ERC1: variants seen among roughly 807,000 people sequenced by gnomAD.
ERC1 encodes RAB6 interacting protein 2.
In ERC1, 56 loss-of-function variants were observed where a neutral mutation model predicts 132.0. The ratio of observed to expected loss-of-function variants is 0.42; its 90% CI spans 0.34 to 0.53. The LOEUF is 0.53. ERC1 is among the 20% of genes least tolerant of loss of function. The pLI, the probability that ERC1 is intolerant of heterozygous loss-of-function variation, is 0.03. For synonymous variants in ERC1, 478 were observed against 476.1 expected (o/e 1.00, Z -0.05); for missense variants, 1,202 against 1,349.9 (o/e 0.89, Z 1.72).
At chr12:1,141,834 T>G in intron 8 of ERC1, 47 bp downstream of exon 8, 1 of 1,378,114 alleles carries the variant, frequency 7.3e-7, no homozygotes, top group East Asian at 2.5e-5. Context: ...CTCATACATC[T>G]TCACTCCTAC....
chr12:1,185,503 T>TTTTC (rs1313125054), intron 11 of ERC1, among the ~76,000 whole-genome samples: 1 of 120,340 alleles, frequency 8.3e-6, no homozygotes, highest in Non-Finnish European at 1.7e-5. Flanking sequence ...TTTTCTGTAC[T>TTTTC]TTTCTTTCTT....
At chr12:1,465,062 G>A (rs1345569523) in intron 18 of ERC1, among the ~76,000 whole-genome samples, 2 of 152,110 alleles carry the variant, frequency 1.3e-5, no homozygotes, top group Non-Finnish European at 2.9e-5. Context: ...AGCTCCTGCA[G>A]GAAGAATTAT....
chr12:1,105,786 T>G (rs1163534284), intron 4 of ERC1, among the ~76,000 whole-genome samples: 1 of 152,242 alleles, frequency 6.6e-6, no homozygotes, highest in Non-Finnish European at 1.5e-5. Flanking sequence ...AATATTAATA[T>G]AATGACTACA....
chr12:1,483,328 A>G (rs528004815), intron 18 of ERC1, among the ~76,000 whole-genome samples: 1 of 152,126 alleles, frequency 6.6e-6, no homozygotes, highest in Non-Finnish European at 1.5e-5. Context: ...ATCATACAAG[A>G]CGTGGTCTGT....
At chr12:1,270,699 C>A (rs2154330804) in intron 14 of ERC1, among the ~76,000 whole-genome samples, 1 of 151,526 alleles carries the variant, frequency 6.6e-6, no homozygotes, top group East Asian at 1.9e-4. Flanking sequence ...TACTATATAA[C>A]TAGTGATTCT....
At chr12:1,206,467 T>C (rs1203335909) in intron 12 of ERC1, among the ~76,000 whole-genome samples, 1 of 152,084 alleles carries the variant, frequency 6.6e-6, no homozygotes, top group Non-Finnish European at 1.5e-5. Context: ...TTTTTATTCC[T>C]CTCTTCTCCC....
chr12:1,439,249 G>T (rs144073405), intron 17 of ERC1, among the ~76,000 whole-genome samples: 1 of 152,284 alleles, frequency 6.6e-6, no homozygotes, highest in East Asian at 1.9e-4. Flanking sequence ...AGTTGCAGAA[G>T]TGGAATGCTG....
At chr12:1,009,955 G>A (rs1451411985) in intron 1 of ERC1, among the ~76,000 whole-genome samples, 1 of 152,122 alleles carries the variant, frequency 6.6e-6, no homozygotes. Flanking sequence ...ATGCATGATG[G>A]TATAACTCCT....
Position 1,028,169 on chromosome 12 carries a change from T to C in ERC1, c.266T>C (p.Met89Thr), listed in dbSNP as rs1318871501. ...NVGSETPKST[M>T]TLGRSGGRLP... ...GGTTCAGAAACACCTAAAAGCACCA[T>C]GACACTTGGCCGTTCTGGGGGACGT... is the stretch of plus-strand genomic sequence containing the variant. Residue 89 changes from methionine (M) to threonine (T), a missense_variant, in exon 2 of 19, where the codon ATG becomes ACG. Met to Thr is a moderately conservative substitution (Grantham distance 81). Transcript: ENST00000360905. 2 of 1,614,198 alleles carry C rather than the reference T, an allele frequency of 1.2e-6. No individual in the cohort carries two copies. Among genetic ancestry groups the C allele is most frequent in the Non-Finnish European group, 1.7e-6 (2 of 1,180,042 alleles).
At chr12:1,326,069 C>T (rs116261473) in intron 15 of ERC1, among the ~76,000 whole-genome samples, 2 of 152,206 alleles carry the variant, frequency 1.3e-5, no homozygotes, top group South Asian at 2.1e-4. Context: ...CTAAGTTAGT[C>T]GTCATCCTGG....
chr12:1,226,576 G>A (rs962365003), intron 12 of ERC1, among the ~76,000 whole-genome samples: 2 of 152,074 alleles, frequency 1.3e-5, no homozygotes, highest in Non-Finnish European at 1.5e-5. Flanking sequence ...CATCTTCCAC[G>A]ATCTCCCCCT....
intron 18 of ERC1, among the ~76,000 whole-genome samples, chr12:1,482,603 C>T (rs976702618): frequency 1.3e-5 from 2 of 152,010 alleles, no homozygotes; most frequent in Non-Finnish European, 2.9e-5. Context: ...CCTGCCACCA[C>T]GCCCGGCTAA....
chr12:1,141,612 A>G lies in ERC1; in HGVS notation c.1570-8A>G, dbSNP rs377247714. 1 of 1,596,400 alleles carries G rather than the reference A, an allele frequency of 6.3e-7. No homozygotes were observed. The highest frequency in any genetic ancestry group is 8.5e-7 in the Non-Finnish European group (1 of 1,172,694). On this transcript the variant is annotated splice_region_variant and splice_polypyrimidine_tract_variant and intron_variant, in intron 7 of 18. Coordinates refer to ENST00000360905, the MANE Select transcript of ERC1 (RefSeq NM_178040.4). ...AATTCATCACTTGTAAAACTCCTAC[A>G]TTCTTAGGTGGATGCTCTCCGATTG...
At chr12:1,029,323 G>C (rs1415365596) in intron 2 of ERC1, among the ~76,000 whole-genome samples, 2 of 152,144 alleles carry the variant, frequency 1.3e-5, no homozygotes, top group Non-Finnish European at 2.9e-5. Context: ...CTGCACTCCA[G>C]TCTGGAGTGA....
intron 9 of ERC1, among the ~76,000 whole-genome samples, chr12:1,181,723 T>C (rs1006666331): frequency 1.5e-4 from 23 of 149,802 alleles, no homozygotes; most frequent in African/African-American, 5.2e-4. Flanking sequence ...GCAGAGGTTA[T>C]GGTGAGCCGA....
At chr12:1,384,478 T>C (rs1308511431) in intron 16 of ERC1, among the ~76,000 whole-genome samples, 3 of 152,238 alleles carry the variant, frequency 2.0e-5, no homozygotes, top group Non-Finnish European at 2.9e-5. Context: ...ACAAGATGTA[T>C]GCAAATCTGG....
At chr12:1,256,039 T>A (rs1197157985) in intron 13 of ERC1, among the ~76,000 whole-genome samples, 1 of 152,128 alleles carries the variant, frequency 6.6e-6, no homozygotes, top group Non-Finnish European at 1.5e-5. Context: ...TACATAAATG[T>A]CTCCTTTTGA....
chr12:1,123,347 A>G (rs991427901), intron 7 of ERC1, among the ~76,000 whole-genome samples: 1 of 152,178 alleles, frequency 6.6e-6, no homozygotes. Flanking sequence ...TGTGGACACC[A>G]TGAAAAAGAA....
At chr12:1,321,787 A>G (rs1231290151) in intron 15 of ERC1, among the ~76,000 whole-genome samples, 2 of 152,204 alleles carry the variant, frequency 1.3e-5, no homozygotes, top group African/African-American at 4.8e-5. Flanking sequence ...ACACATCTAC[A>G]CTGTGAGAAG....
Sources: allele counts gnomAD v4.1 joint callset (sites outside exome capture counted in the v4.1 genomes callset), GRCh38; gene constraint gnomAD v4.1.1; transcripts MANE v1.5; gene names NCBI Gene and HGNC (gene_info 2026-07-23, HGNC 2026-07-21).